The following VRK2 variants were observed in gnomAD, a reference collection of about 807,000 sequenced individuals.
VRK2 encodes VRK serine/threonine kinase 2, also known as serine/threonine-protein kinase VRK2.
VRK2 carries 60 observed loss-of-function variants against 57.6 expected under a neutral mutation model. The observed-to-expected ratio is 1.04, with a 90% confidence interval of 0.85 to 1.29. The LOEUF is 1.29. Ranked by LOEUF, VRK2 falls within the 50% of genes most tolerant of loss-of-function variation. The probability of loss-of-function intolerance (pLI) is 0.00; values close to 1 mark genes in which losing one functional copy is unlikely to be tolerated. For synonymous variants in VRK2, 231 were observed against 199.2 expected (o/e 1.16, Z -1.35); for missense variants, 705 against 588.1 (o/e 1.20, Z -2.06).
chr2:57,937,827 C>CTTTTTTT (rs778615422), intron 1 of VRK2, among the ~76,000 whole-genome samples: 1 of 89,950 alleles, frequency 1.1e-5, no homozygotes, highest in Non-Finnish European at 2.2e-5. Context: ...GTTTATCTTT[C>CTTTTTTT]TTTTTTTTTT....
At chr2:57,942,114 C>T (rs367618724) in intron 1 of VRK2, among the ~76,000 whole-genome samples, 7 of 151,960 alleles carry the variant, frequency 4.6e-5, no homozygotes, top group Non-Finnish European at 8.8e-5. Flanking sequence ...ACACACTGTA[C>T]GAAACAACAG....
chr2:57,975,716 T>A (rs1030160998), intron 1 of VRK2, among the ~76,000 whole-genome samples: 10 of 151,788 alleles, frequency 6.6e-5, no homozygotes, highest in Non-Finnish European at 1.3e-4. Flanking sequence ...ATTTGGCTCC[T>A]ACTTATAAGT....
intron 2 of VRK2, among the ~76,000 whole-genome samples, chr2:58,028,899 A>ATAT (rs1674021434): frequency 5.6e-4 from 45 of 80,812 alleles, no homozygotes; most frequent in African/African-American, 1.9e-3. Context: ...TAAATAAATA[A>ATAT]ATAAATATAT....
intron 1 of VRK2, among the ~76,000 whole-genome samples, chr2:57,966,751 G>T (rs1056810340): frequency 3.3e-5 from 5 of 152,096 alleles, no homozygotes; most frequent in Admixed American, 2.6e-4. Context: ...GAATCCTCTA[G>T]AATTATTTTT....
chr2:57,956,852 T>C (rs1572903460), intron 1 of VRK2, among the ~76,000 whole-genome samples: 1 of 152,204 alleles, frequency 6.6e-6, no homozygotes, highest in East Asian at 1.9e-4. Context: ...TTAAAATGTC[T>C]GCCATTGTAT....
intron 4 of VRK2, among the ~76,000 whole-genome samples, chr2:58,085,930 C>CT (rs59333442): frequency 0.13 from 15,066 of 116,704 alleles, 887 homozygotes; most frequent in East Asian, 0.19. Context: ...CTTTTTTTTT[C>CT]TTTTTTTTTT....
At chr2:58,140,466 T>C (rs1238739206) in intron 11 of VRK2, among the ~76,000 whole-genome samples, 2 of 152,070 alleles carry the variant, frequency 1.3e-5, no homozygotes, top group Non-Finnish European at 2.9e-5. Flanking sequence ...GACAGGCAAC[T>C]CAGCATCCAT....
chr2:58,120,219 C>G (rs1205144342), intron 7 of VRK2, among the ~76,000 whole-genome samples: 4 of 60,678 alleles, frequency 6.6e-5, no homozygotes, highest in East Asian at 5.2e-4. Flanking sequence ...GAGACAGAGT[C>G]TTGCTCTGTT....
intron 1 of VRK2, among the ~76,000 whole-genome samples, chr2:57,928,193 G>A (rs1362956310): frequency 6.6e-6 from 1 of 152,016 alleles, no homozygotes; most frequent in East Asian, 1.9e-4. Context: ...GGCAAACCTT[G>A]TAAATAGATC....
Position 57,945,218 on chromosome 2 carries a change from A to G in VRK2, c.-439+37379A>G, listed in dbSNP as rs149769826. Among the ~76,000 whole-genome samples the G allele has an allele frequency of 7.3e-3, 1,116 of 152,318 alleles. 18 individuals carry two copies. Among genetic ancestry groups the G allele is most frequent in the African/African-American group, 0.025 (1,019 of 41,574 alleles). On this transcript the variant is annotated intron_variant, in intron 1 of 15. Coordinates refer to the VRK2 transcript ENST00000417641. ...GAAAAAATCTTGTATTAAGTTGGCTATAATTTATCTTTGATATGCTCTAGA... is the reference window on the plus strand; with the variant it reads ...GAAAAAATCTTGTATTAAGTTGGCTGTAATTTATCTTTGATATGCTCTAGA...
chr2:58,057,891 G>C (rs1190293182), intron 2 of VRK2, among the ~76,000 whole-genome samples: 1 of 151,932 alleles, frequency 6.6e-6, no homozygotes, highest in Non-Finnish European at 1.5e-5. Context: ...AGACAGCAGT[G>C]CTGCAAAGGA....
intron 1 of VRK2, among the ~76,000 whole-genome samples, chr2:57,987,950 T>A (rs972392108): frequency 6.6e-6 from 1 of 152,258 alleles, no homozygotes. Context: ...TCTGGAAAAG[T>A]CAAAACTACT....
intron 7 of VRK2, among the ~76,000 whole-genome samples, chr2:58,110,880 C>A (rs1675460024): frequency 6.6e-6 from 1 of 152,182 alleles, no homozygotes; most frequent in Non-Finnish European, 1.5e-5. Context: ...TTAGGAGAGA[C>A]CCCAGCTATG....
intron 1 of VRK2, among the ~76,000 whole-genome samples, chr2:57,998,332 ACAAT>A (rs1220047589): frequency 1.3e-5 from 2 of 152,244 alleles, no homozygotes; most frequent in African/African-American, 4.8e-5. Flanking sequence ...GATATCTAAT[ACAAT>A]CAATCAATAA....
intron 1 of VRK2, among the ~76,000 whole-genome samples, chr2:57,949,076 A>T (rs1449469611): frequency 1.1e-5 from 1 of 87,784 alleles, no homozygotes; most frequent in African/African-American, 5.8e-5. Flanking sequence ...GTGGTGGGGG[A>T]CAGGGGGCGG....
intron 1 of VRK2, among the ~76,000 whole-genome samples, chr2:57,958,771 A>G (rs1420206829): frequency 6.6e-6 from 1 of 152,196 alleles, no homozygotes; most frequent in Non-Finnish European, 1.5e-5. Context: ...GCTAGCTCAT[A>G]AATTAATATC....
At position 58,120,184 on chromosome 2, in the gene VRK2, CTTTTT is replaced by C. The variant is rs397868874; in HGVS notation, c.544-2897_544-2893del. ...CTTTTTGTCTATTTTTTTTTCTTTT[CTTTTT>C]TTTTTTTTTTTTTTTTTTTGAGACA... is the stretch of plus-strand genomic sequence containing the variant. On this transcript the variant is annotated intron_variant, in intron 7 of 12. Coordinates refer to ENST00000340157, the MANE Select transcript of VRK2 (RefSeq NM_006296.7). 3.4e-3 allele frequency among the ~76,000 whole-genome samples: 178 copies of C among 51,964 alleles called. 1 individual carries two copies. Among genetic ancestry groups the C allele is most frequent in the African/African-American group, 0.017 (160 of 9,622 alleles). 34.1% of individuals were successfully genotyped at this position (51,964 alleles called of 152,430 possible).
chr2:58,123,916 A>G (rs968868049), intron 8 of VRK2, among the ~76,000 whole-genome samples: 10 of 152,136 alleles, frequency 6.6e-5, no homozygotes, highest in African/African-American at 2.2e-4. Flanking sequence ...ACCTTTACCA[A>G]AGCTTTAGAA....
At chr2:58,079,796 G>A (rs1422690313) in intron 2 of VRK2, among the ~76,000 whole-genome samples, 1 of 151,882 alleles carries the variant, frequency 6.6e-6, no homozygotes, top group African/African-American at 2.4e-5. Context: ...TCATTTCATT[G>A]AAAATGATAT....
Sources: allele counts gnomAD v4.1 joint callset (sites outside exome capture counted in the v4.1 genomes callset), GRCh38; gene constraint gnomAD v4.1.1; transcripts MANE v1.5; gene names NCBI Gene and HGNC (gene_info 2026-07-23, HGNC 2026-07-21).